The following TRUB1 variants were observed in gnomAD, a reference collection of about 807,000 sequenced individuals.
TRUB1 encodes the protein pseudouridylate synthase TRUB1.
Under a neutral mutation model 33.9 loss-of-function variants are expected in TRUB1, and 23 were observed. The observed-to-expected ratio is 0.68, with a 90% confidence interval of 0.49 to 0.96. The LOEUF (loss-of-function observed/expected upper bound fraction) is 0.96, where lower values mean the gene tolerates loss of function less well. TRUB1 is among the 40% of genes least tolerant of loss of function. The pLI, the probability that TRUB1 is intolerant of heterozygous loss-of-function variation, is 0.00. For synonymous variants in TRUB1, 163 were observed against 165.4 expected (o/e 0.99, Z 0.11); for missense variants, 378 against 422.2 (o/e 0.90, Z 0.92).
chr10:114,961,026 G>A (rs751530281), intron 4 of TRUB1, among the ~76,000 whole-genome samples: 8 of 152,114 alleles, frequency 5.3e-5, no homozygotes, highest in African/African-American at 9.6e-5. Context: ...AATATAAGGC[G>A]CACTAGAGTA....
At chr10:114,947,428 T>A (rs981282398) in intron 2 of TRUB1, among the ~76,000 whole-genome samples, 2 of 152,240 alleles carry the variant, frequency 1.3e-5, no homozygotes, top group African/African-American at 2.4e-5. Context: ...ATAAAATTTC[T>A]ATATACCATT....
In TRUB1 at chr10:114,951,111, G is replaced by A. The variant is rs531711499; in HGVS notation, c.403G>A (p.Gly135Arg). ...RGVLVVGIGS[G>R]TKMLTSMLSG... Reference sequence around the variant, plus strand: ...ATTTGTAGTTGTTGGAATTGGAAGCGGAACAAAAATGTTGACCAGTATGTT... The same window carrying A: ...ATTTGTAGTTGTTGGAATTGGAAGCAGAACAAAAATGTTGACCAGTATGTT... Residue 135 changes from glycine to arginine, a missense_variant, in exon 3 of 8, where the codon GGA becomes AGA. Physicochemically the swap from Gly to Arg is moderately radical, Grantham distance 125. Coordinates refer to ENST00000298746, the MANE Select transcript of TRUB1 (RefSeq NM_139169.5). 2.0e-5 allele frequency: 33 copies of A among 1,611,768 alleles called. No homozygotes were observed. Among genetic ancestry groups the A allele is most frequent in the Non-Finnish European group, 2.3e-5 (27 of 1,178,688 alleles).
chr10:114,950,266 G>A (rs2084228526), intron 2 of TRUB1, among the ~76,000 whole-genome samples: 1 of 152,112 alleles, frequency 6.6e-6, no homozygotes, highest in African/African-American at 2.4e-5. Context: ...TCTGATACAT[G>A]GTAAACTCAC....
chr10:114,950,488 T>C (rs2084229460), intron 2 of TRUB1, among the ~76,000 whole-genome samples: 1 of 152,198 alleles, frequency 6.6e-6, no homozygotes, highest in Admixed American at 6.5e-5. Context: ...CCAAGTGAAA[T>C]GTGTTGACGT....
At chr10:114,969,150 G>T (rs373927104) in intron 4 of TRUB1, among the ~76,000 whole-genome samples, 3 of 148,518 alleles carry the variant, frequency 2.0e-5, no homozygotes, top group African/African-American at 7.4e-5. Context: ...TATGGAACAC[G>T]GTCAGGTACA....
chr10:114,942,195 G>A (rs1014163163), intron 1 of TRUB1, among the ~76,000 whole-genome samples: 1 of 152,150 alleles, frequency 6.6e-6, no homozygotes, highest in Non-Finnish European at 1.5e-5. Flanking sequence ...AGATGTACTC[G>A]CAATGTTAGG....
intron 1 of TRUB1, among the ~76,000 whole-genome samples, chr10:114,940,084 A>G (rs1012237891): frequency 6.6e-6 from 1 of 152,058 alleles, no homozygotes; most frequent in Non-Finnish European, 1.5e-5. Context: ...TCCAAATGTC[A>G]TTGTAATTGG....
At chr10:114,950,489 G>T (rs1419134381) in intron 2 of TRUB1, among the ~76,000 whole-genome samples, 1 of 152,216 alleles carries the variant, frequency 6.6e-6, no homozygotes, top group Non-Finnish European at 1.5e-5. Flanking sequence ...CAAGTGAAAT[G>T]TGTTGACGTA....
chr10:114,973,147 G>GA (rs1240663044), intron 6 of TRUB1, among the ~76,000 whole-genome samples: 3 of 150,726 alleles, frequency 2.0e-5, no homozygotes, highest in African/African-American at 2.4e-5. Flanking sequence ...TGTACCATTA[G>GA]AAAAAAAAAG....
At chr10:114,939,826 C>CTTTTT (rs1226215746) in intron 1 of TRUB1, among the ~76,000 whole-genome samples, 6 of 55,020 alleles carry the variant, frequency 1.1e-4, no homozygotes, top group Admixed American at 1.6e-4. Context: ...GGTTTCTTTT[C>CTTTTT]TTTTTTTTTT....
At chr10:114,941,510 G>A (rs1358506886) in intron 1 of TRUB1, among the ~76,000 whole-genome samples, 2 of 151,848 alleles carry the variant, frequency 1.3e-5, no homozygotes, top group Admixed American at 6.6e-5. Context: ...CCTAATTTTT[G>A]TATTTTATTT....
intron 4 of TRUB1, among the ~76,000 whole-genome samples, chr10:114,961,102 T>A (rs1000188759): frequency 2.0e-5 from 3 of 152,078 alleles, no homozygotes; most frequent in Admixed American, 2.0e-4. Flanking sequence ...ATTTTCTTAG[T>A]CTCTTTATGT....
chr10:114,953,819 C>CAG (rs1310645531), intron 3 of TRUB1, among the ~76,000 whole-genome samples: 1 of 152,086 alleles, frequency 6.6e-6, no homozygotes, highest in Non-Finnish European at 1.5e-5. Flanking sequence ...GAGGGAGTGA[C>CAG]AGAGAGAGAG....
intron 2 of TRUB1, 96 bp downstream of exon 2, chr10:114,942,839 T>C (rs181685601): frequency 3.8e-6 from 3 of 792,314 alleles, no homozygotes; most frequent in African/African-American, 1.7e-5. Context: ...GCCTTCTATT[T>C]TTCAGTCATT....
chr10:114,958,337 T>A (rs771291159), intron 3 of TRUB1, among the ~76,000 whole-genome samples: 8 of 152,168 alleles, frequency 5.3e-5, no homozygotes, highest in Non-Finnish European at 1.0e-4. Context: ...TTTAAAAAAA[T>A]TAATTGAAAT....
chr10:114,966,519 A>G (rs938957232), intron 4 of TRUB1, among the ~76,000 whole-genome samples: 4 of 152,206 alleles, frequency 2.6e-5, no homozygotes, highest in African/African-American at 7.2e-5. Context: ...ATGCACACAC[A>G]CACTCAAAAT....
rs575556641 is a variant in TRUB1 at position 114,955,791 on chromosome 10, A to G, written c.442-3935A>G. ...GGCTAGTCCAGTTTGTACCTTTTCT[A>G]TATACGCTATTAATTTTCATATATT... On this transcript the variant is annotated intron_variant, in intron 3 of 7. Coordinates refer to ENST00000298746, the MANE Select transcript of TRUB1 (RefSeq NM_139169.5). Among the ~76,000 whole-genome samples the G allele has an allele frequency of 3.9e-5, 6 of 152,308 alleles. No individual in the cohort carries two copies. The East Asian group carries it at 7.7e-4, about 20-fold the overall frequency.
At chr10:114,940,534 C>A (rs2084182035) in intron 1 of TRUB1, among the ~76,000 whole-genome samples, 1 of 152,178 alleles carries the variant, frequency 6.6e-6, no homozygotes, top group African/African-American at 2.4e-5. Flanking sequence ...TCCTATTATG[C>A]TACAATCTCT....
At chr10:114,950,609 T>C (rs1359649936) in intron 2 of TRUB1, among the ~76,000 whole-genome samples, 1 of 152,230 alleles carries the variant, frequency 6.6e-6, no homozygotes, top group African/African-American at 2.4e-5. Context: ...TTAGACTGAT[T>C]TGTTATGTTT....
Sources: gnomAD v4.1 joint callset for allele counts (sites outside exome capture counted in the v4.1 genomes callset) on GRCh38, gnomAD v4.1.1 for gene constraint, MANE v1.5 for transcripts, NCBI Gene and HGNC (gene_info 2026-07-23, HGNC 2026-07-21) for gene names.